Variants in PSMB7 observed in about 807,000 individuals in gnomAD.
PSMB7 encodes the protein proteasome subunit beta type-7.
A neutral mutation model predicts 28.1 loss-of-function variants in PSMB7; 5 were observed. The ratio of observed to expected loss-of-function variants is 0.18; its 90% CI spans 0.09 to 0.37. The LOEUF is 0.37. Ranked by LOEUF, PSMB7 falls within the 10% of genes least tolerant of loss-of-function variation. The probability of loss-of-function intolerance (pLI) is 1.00; values close to 1 mark genes in which losing one functional copy is unlikely to be tolerated. For synonymous variants in PSMB7, 122 were observed against 123.7 expected (o/e 0.99, Z 0.09); for missense variants, 275 against 346.2 (o/e 0.79, Z 1.63).
chr9:124,378,305 A>G (rs755495657), intron 6 of PSMB7, among the ~76,000 whole-genome samples: 1 of 152,230 alleles, frequency 6.6e-6, no homozygotes, highest in Non-Finnish European at 1.5e-5. Context: ...AATAAATGCT[A>G]ATTTTTTTTA....
intron 6 of PSMB7, among the ~76,000 whole-genome samples, chr9:124,362,315 G>A (rs1394294846): frequency 6.6e-6 from 1 of 152,230 alleles, no homozygotes; most frequent in African/African-American, 2.4e-5. Flanking sequence ...TTTTTCCTGA[G>A]GAACAGGGCT....
intron 5 of PSMB7, among the ~76,000 whole-genome samples, chr9:124,391,608 T>A (rs960741340): frequency 4.0e-5 from 6 of 150,996 alleles, no homozygotes; most frequent in Admixed American, 2.0e-4. Context: ...CACTCAAGTA[T>A]CTGTTATAAC....
chr9:124,376,529 A>G (rs1830610495), intron 6 of PSMB7, among the ~76,000 whole-genome samples: 1 of 152,144 alleles, frequency 6.6e-6, no homozygotes, highest in Non-Finnish European at 1.5e-5. Flanking sequence ...GCTGCCAAAG[A>G]GCTTTACACA....
chr9:124,413,563 G>C (rs908070102), intron 3 of PSMB7, among the ~76,000 whole-genome samples: 4 of 152,088 alleles, frequency 2.6e-5, no homozygotes, highest in African/African-American at 9.7e-5. Flanking sequence ...AATGGTAACT[G>C]CAATAGTCCA....
chr9:124,386,330 A>C (rs967437826), intron 5 of PSMB7, among the ~76,000 whole-genome samples: 22 of 152,230 alleles, frequency 1.4e-4, no homozygotes, highest in African/African-American at 5.1e-4. Flanking sequence ...ATGTGGAAAC[A>C]GGGTCAAACT....
At chr9:124,372,118 C>T (rs1335686230) in intron 6 of PSMB7, among the ~76,000 whole-genome samples, 1 of 152,198 alleles carries the variant, frequency 6.6e-6, no homozygotes, top group Non-Finnish European at 1.5e-5. Context: ...CTATCAACTA[C>T]AATAGAATAC....
intron 6 of PSMB7, among the ~76,000 whole-genome samples, chr9:124,365,580 T>C (rs1360468575): frequency 4.6e-5 from 7 of 152,162 alleles, no homozygotes; most frequent in African/African-American, 7.2e-5. Flanking sequence ...ACGTAACATT[T>C]TGGACAACAA....
chr9:124,355,666 C>T lies in PSMB7; in HGVS notation c.722+1098G>A, dbSNP rs776742166. On this transcript the variant is annotated intron_variant, in intron 7 of 7. Transcript: ENST00000259457. ...GTGGCTTGCCTTCCTGCTAAAGGCC[C>T]GAGGGACTTCGTGGGCTCATTAGAG... Among the ~76,000 whole-genome samples, 13 of 152,170 alleles carry T rather than the reference C, an allele frequency of 8.5e-5. 1 individual carries two copies. Among genetic ancestry groups the T allele is most frequent in the Non-Finnish European group, 1.3e-4 (9 of 68,024 alleles).
At position 124,356,718 on chromosome 9, in the gene PSMB7, C is replaced by T. The variant is rs745766213; in HGVS notation, c.722+46G>A. 1 of 1,586,160 alleles carries T rather than the reference C, an allele frequency of 6.3e-7. No homozygotes were observed. Among genetic ancestry groups the T allele is most frequent in the Non-Finnish European group, 8.6e-7 (1 of 1,161,454 alleles). On this transcript the variant is annotated intron_variant, in intron 7 of 7. Coordinates refer to ENST00000259457, the MANE Select transcript of PSMB7 (RefSeq NM_002799.4). The surrounding 1 kb of genome is among the most constrained non-coding windows in gnomAD (Gnocchi z 4.4). ...GATGCCATGGAGATACCAAGGGTGG[C>T]CACGACGCCAGGGGACCCAGGAAGA...
chr9:124,415,036 G>C (rs903381299), intron 1 of PSMB7, 101 bp from the exon 2 acceptor site: 2 of 749,158 alleles, frequency 2.7e-6, no homozygotes, highest in African/African-American at 1.8e-5. Context: ...GCTGCTACTT[G>C]TTTTCACGCC....
chr9:124,397,523 G>A (rs995956796), intron 5 of PSMB7, among the ~76,000 whole-genome samples: 3 of 152,162 alleles, frequency 2.0e-5, no homozygotes, highest in East Asian at 1.9e-4. Context: ...GCCTTCAGGC[G>A]CCTGGCTAGT....
intron 1 of PSMB7, 133 bp from the exon 2 acceptor site, chr9:124,415,068 C>G (rs1831072777): frequency 4.6e-6 from 3 of 647,772 alleles, no homozygotes; most frequent in South Asian, 1.9e-5. Context: ...TGAATCCTCC[C>G]ACCATCAGCA....
chr9:124,384,571 A>G (rs989835035), intron 6 of PSMB7, 27 bp downstream of exon 6: 6 of 1,582,906 alleles, frequency 3.8e-6, no homozygotes, highest in Non-Finnish European at 5.1e-6. Context: ...TCTTTGAAAA[A>G]GAATAAAACT....
At chr9:124,379,814 T>C (rs1296852493) in intron 6 of PSMB7, among the ~76,000 whole-genome samples, 1 of 152,254 alleles carries the variant, frequency 6.6e-6, no homozygotes, top group Admixed American at 6.5e-5. Context: ...TCTGTTACCT[T>C]GAAAAGATGT....
intron 6 of PSMB7, among the ~76,000 whole-genome samples, chr9:124,377,918 G>GA (rs887874463): frequency 1.3e-5 from 2 of 152,130 alleles, no homozygotes; most frequent in East Asian, 1.9e-4. Flanking sequence ...AAGACTAGGG[G>GA]AAAAAAAAGA....
At chr9:124,366,104 AATTTT>A (rs1830504833) in intron 6 of PSMB7, among the ~76,000 whole-genome samples, 1 of 131,176 alleles carries the variant, frequency 7.6e-6, no homozygotes, top group South Asian at 2.5e-4. Context: ...ATTAAAAAAA[AATTTT>A]TTTAATAGAG....
intron 6 of PSMB7, among the ~76,000 whole-genome samples, chr9:124,378,381 G>GA (rs1011807878): frequency 9.9e-5 from 15 of 152,232 alleles, no homozygotes; most frequent in African/African-American, 3.4e-4. Flanking sequence ...AGAGAGGGGG[G>GA]AAAAAAGCTG....
intron 6 of PSMB7, among the ~76,000 whole-genome samples, chr9:124,360,132 T>C (rs1048122439): frequency 1.3e-5 from 2 of 152,262 alleles, no homozygotes; most frequent in Non-Finnish European, 2.9e-5. Flanking sequence ...CTGGGCATAT[T>C]CATACTGTGT....
At chr9:124,380,337 T>C (rs958724912) in intron 6 of PSMB7, among the ~76,000 whole-genome samples, 1 of 152,126 alleles carries the variant, frequency 6.6e-6, no homozygotes, top group African/African-American at 2.4e-5. Flanking sequence ...CCCAGGAGTT[T>C]GAGACCATCC....
Sources: allele counts gnomAD v4.1 joint callset (sites outside exome capture counted in the v4.1 genomes callset), GRCh38; gene constraint gnomAD v4.1.1; non-coding constraint Gnocchi (gnomAD v3.1); transcripts MANE v1.5; gene names NCBI Gene and HGNC (gene_info 2026-07-23, HGNC 2026-07-21).